The following DYNLT2B variants were observed in gnomAD, a reference collection of about 807,000 sequenced individuals.
The protein encoded by DYNLT2B is dynein light chain Tctex-type protein 2B.
A neutral mutation model predicts 19.5 loss-of-function variants in DYNLT2B; 14 were observed. The ratio of observed to expected loss-of-function variants is 0.72; its 90% confidence interval spans 0.47 to 1.12. DYNLT2B has a LOEUF of 1.12. Among genes scored for constraint, DYNLT2B ranks in the 50% most tolerant of loss-of-function variants. The pLI is 0.00. For missense variants in DYNLT2B, 133 were observed against 174.7 expected (o/e 0.76, Z 1.35); for synonymous variants, 70 against 59.7 (o/e 1.17, Z -0.79).
chr3:196,297,677 T>G (rs1726257731), intron 3 of DYNLT2B, among the ~76,000 whole-genome samples: 1 of 152,224 alleles, frequency 6.6e-6, no homozygotes, highest in African/African-American at 2.4e-5. Context: ...GTGTATTAAC[T>G]CACTGAATCC....
At chr3:196,308,033 A>G (rs1266570490) in intron 2 of DYNLT2B, among the ~76,000 whole-genome samples, 9 of 150,152 alleles carry the variant, frequency 6.0e-5, no homozygotes, top group African/African-American at 2.0e-4. Flanking sequence ...GTGAGCTGAG[A>G]TCGCACCATT....
At position 196,300,730 on chromosome 3, in the gene DYNLT2B, CAAA is replaced by C. The variant is rs1171224774; in HGVS notation, c.318-4664_318-4662del. Among the ~76,000 whole-genome samples the C allele has an allele frequency of 2.3e-4, 16 of 68,846 alleles. No homozygotes were observed. The East Asian group carries it at 5.4e-3, about 23-fold the overall frequency. The allele number at this position is 68,846 out of a possible 152,430, so 45.2% of individuals were successfully genotyped here. The stretch of plus-strand genomic sequence containing the variant: ...GGCAACAAGAATGAAACTCTGTCTC[CAAA>C]AAAAAAAAAAAAAAAAAAATAGAAA... On this transcript the variant is annotated intron_variant, in intron 3 of 4. Coordinates refer to ENST00000325318, the MANE Select transcript of DYNLT2B (RefSeq NM_152773.5).
intron 3 of DYNLT2B, among the ~76,000 whole-genome samples, chr3:196,301,614 G>A (rs908046314): frequency 3.9e-5 from 6 of 152,158 alleles, no homozygotes; most frequent in African/African-American, 1.2e-4. Context: ...TCGGGAGGCT[G>A]AGGCAGGAGA....
Position 196,291,320 on chromosome 3 carries a change from G to T in DYNLT2B, c.*7C>A. Reference sequence around the variant, plus strand: ...TCATGTCTTTTACCAGCTTTTCAAAGATTCATTCAGTAGTAGAAACAGCCA... The same window carrying T: ...TCATGTCTTTTACCAGCTTTTCAAATATTCATTCAGTAGTAGAAACAGCCA... On this transcript the variant is annotated 3_prime_UTR_variant, in exon 5 of 5. Transcript: ENST00000325318. 1 of 1,605,536 alleles carries T rather than the reference G, an allele frequency of 6.2e-7. No homozygotes were observed. Among genetic ancestry groups the T allele is most frequent in the Non-Finnish European group, 8.5e-7 (1 of 1,176,914 alleles).
chr3:196,315,280 T>G (rs76271664), intron 2 of DYNLT2B: 1 of 395,448 alleles, frequency 2.5e-6, no homozygotes, highest in Non-Finnish European at 4.8e-6. Context: ...TTTTTTTTTT[T>G]GAGACAGAGT....
At position 196,318,200 on chromosome 3, in the gene DYNLT2B, G is replaced by A. The variant is rs955109494; in HGVS notation, c.-48C>T. The stretch of plus-strand genomic sequence containing the variant: ...GTAGCTCGCGATGAAGGCCTAGCGG[G>A]TTGCGGTCGCGGCCGGCAGCAGGGA... On this transcript the variant is annotated 5_prime_UTR_variant, in exon 1 of 5. Transcript: ENST00000325318. 2.5e-6 allele frequency: 3 copies of A among 1,198,200 alleles called. No individual in the cohort carries two copies. The highest frequency in any genetic ancestry group is 3.0e-5 in the East Asian group (1 of 32,876). The allele number at this position is 1,198,200 out of a possible 1,614,324, so 74.2% of individuals were successfully genotyped here.
intron 2 of DYNLT2B, among the ~76,000 whole-genome samples, chr3:196,309,984 A>G (rs1449282911): frequency 6.6e-6 from 1 of 151,956 alleles, no homozygotes; most frequent in Non-Finnish European, 1.5e-5. Context: ...AAAAAAATCA[A>G]CCTAGGAAGT....
intron 3 of DYNLT2B, chr3:196,296,317 C>A: frequency 2.4e-6 from 1 of 420,602 alleles, no homozygotes; most frequent in Non-Finnish European, 4.3e-6. Flanking sequence ...AGCCTCAGAC[C>A]CTACCTGATG....
chr3:196,294,543 C>A (rs988600227), intron 4 of DYNLT2B, among the ~76,000 whole-genome samples: 1 of 152,032 alleles, frequency 6.6e-6, no homozygotes, highest in African/African-American at 2.4e-5. Flanking sequence ...AGGGACCCAG[C>A]GTCTATATTT....
At chr3:196,311,983 C>T (rs919076571) in intron 2 of DYNLT2B, among the ~76,000 whole-genome samples, 2 of 152,176 alleles carry the variant, frequency 1.3e-5, no homozygotes, top group African/African-American at 4.8e-5. Flanking sequence ...CCTCTGCCTC[C>T]TGGGTTCAAG....
chr3:196,311,105 C>T (rs552740381), intron 2 of DYNLT2B, among the ~76,000 whole-genome samples: 1 of 152,002 alleles, frequency 6.6e-6, no homozygotes, highest in East Asian at 1.9e-4. Context: ...AAACAGAATA[C>T]CCAGAAAAGA....
At chr3:196,312,132 G>A (rs577732454) in intron 2 of DYNLT2B, among the ~76,000 whole-genome samples, 24 of 152,182 alleles carry the variant, frequency 1.6e-4, no homozygotes, top group Non-Finnish European at 2.4e-4. Flanking sequence ...CGCCCGCCTC[G>A]GCCTCCCTAA....
chr3:196,295,253 G>A (rs575363139), intron 4 of DYNLT2B, among the ~76,000 whole-genome samples: 43 of 105,430 alleles, frequency 4.1e-4, no homozygotes, highest in African/African-American at 1.2e-3. Flanking sequence ...CTCTGCCTCC[G>A]GGGTTCAAGC....
At chr3:196,312,208 G>A (rs1321964537) in intron 2 of DYNLT2B, among the ~76,000 whole-genome samples, 1 of 151,712 alleles carries the variant, frequency 6.6e-6, no homozygotes, top group Non-Finnish European at 1.5e-5. Flanking sequence ...ACTAGAGACG[G>A]GGTTTCACCA....
At chr3:196,313,796 A>T (rs1178593275) in intron 2 of DYNLT2B, among the ~76,000 whole-genome samples, 1 of 152,172 alleles carries the variant, frequency 6.6e-6, no homozygotes, top group Non-Finnish European at 1.5e-5. Flanking sequence ...GCCTTTGGTT[A>T]ATATTTTAAA....
At position 196,316,065 on chromosome 3, in the gene DYNLT2B, G is replaced by A. The variant is rs1048054584; in HGVS notation, c.247+33C>T. The stretch of plus-strand genomic sequence containing the variant: ...ATGGGTAATACTGACTCTGTGAAGA[G>A]AATGAGTCATTTCCAGTTATCACCA... On this transcript the variant is annotated intron_variant, in intron 2 of 4. Transcript: ENST00000325318. 5 of 1,605,240 alleles carry A rather than the reference G, an allele frequency of 3.1e-6. No individual in the cohort carries two copies. The African/African-American group carries it at 5.3e-5, about 17-fold the overall frequency.
intron 3 of DYNLT2B, among the ~76,000 whole-genome samples, chr3:196,300,127 C>T (rs1251025203): frequency 1.3e-5 from 2 of 152,080 alleles, no homozygotes; most frequent in Non-Finnish European, 2.9e-5. Flanking sequence ...TGGATTCAGT[C>T]TTAGAGCCTC....
intron 2 of DYNLT2B, among the ~76,000 whole-genome samples, chr3:196,313,199 ATT>A (rs1292189022): frequency 3.5e-4 from 49 of 141,338 alleles, no homozygotes; most frequent in Middle Eastern, 3.7e-3. Context: ...AGTATTAATG[ATT>A]TTTTTTTTTT....
chr3:196,314,997 G>T (rs1294544048), intron 2 of DYNLT2B, among the ~76,000 whole-genome samples: 2 of 152,082 alleles, frequency 1.3e-5, no homozygotes, highest in Non-Finnish European at 1.5e-5. Context: ...CCAGGCTGAG[G>T]ACTTGACAGC....
Sources: gnomAD v4.1 joint callset for allele counts (sites outside exome capture counted in the v4.1 genomes callset) on GRCh38, gnomAD v4.1.1 for gene constraint, MANE v1.5 for transcripts, NCBI Gene and HGNC (gene_info 2026-07-23, HGNC 2026-07-21) for gene names.